ABHD2: variants seen among roughly 807,000 people sequenced by gnomAD.
The protein encoded by ABHD2 is monoacylglycerol lipase ABHD2.
Under a neutral mutation model 48.1 loss-of-function variants are expected in ABHD2, and 20 were observed. That is an observed-to-expected ratio of 0.42 (90% CI 0.29 to 0.60). The LOEUF (loss-of-function observed/expected upper bound fraction) is 0.60. ABHD2 is among the 20% of genes least tolerant of loss of function. The probability of loss-of-function intolerance (pLI) is 0.24; values close to 1 mark genes in which losing one functional copy is unlikely to be tolerated. For missense variants in ABHD2, 405 were observed against 550.9 expected (o/e 0.74, Z 2.65); for synonymous variants, 209 against 214.2 (o/e 0.98, Z 0.21).
At chr15:89,071,586 C>G in the ABHD2 span, among the ~76,000 whole-genome samples, 1 of 152,146 alleles carries the variant, frequency 6.6e-6, no homozygotes, top group Non-Finnish European at 1.5e-5. Flanking sequence ...ACCTGGTAAC[C>G]TGCATTTAAC....
rs1214047028 is a variant in ABHD2, at chr15:89,104,015, G to A, written c.-106-9710G>A. On this transcript the variant is annotated intron_variant, in intron 1 of 10. Coordinates refer to ENST00000352732, the MANE Select transcript of ABHD2 (RefSeq NM_152924.5). This position sits in a 1 kb window ranked among gnomAD's most constrained non-coding sequence, Gnocchi z 4.4. ...CAGGCCTTCTGCTCTAAACTGGCAG[G>A]AGATCCTGTTTCTACTCACAGCGTC... The A allele has an allele frequency of 6.6e-6, 1 of 152,230 alleles. No individual in the cohort carries two copies. The highest frequency in any genetic ancestry group is 2.4e-5 in the African/African-American group (1 of 41,456). The allele number at this position is 152,230 out of a possible 1,614,324, so 9.4% of individuals were successfully genotyped here. A position where few individuals can be genotyped will look rare whatever the true frequency, so the allele number is the denominator to read the frequency against.
intron 3 of ABHD2, among the ~76,000 whole-genome samples, chr15:89,117,791 A>C (rs887812868): frequency 6.6e-6 from 1 of 152,214 alleles, no homozygotes; most frequent in Non-Finnish European, 1.5e-5. Context: ...ACAAATAGGC[A>C]ATGAACATCT....
At chr15:89,140,664 C>T (rs944161440) in intron 3 of ABHD2, among the ~76,000 whole-genome samples, 1 of 152,166 alleles carries the variant, frequency 6.6e-6, no homozygotes, top group East Asian at 1.9e-4. Context: ...CAAAGGAGCA[C>T]AGGCCCCCCC....
rs1446793052 is a variant in ABHD2 at position 89,114,672 on chromosome 15, A to G, written c.-7+848A>G. The stretch of plus-strand genomic sequence containing the variant: ...AAATTTTTGTATTTTTGGTAGAGAC[A>G]GGATTTCACCATGTTGGCCAGGGCT... On this transcript the variant is annotated intron_variant, in intron 2 of 10. Coordinates refer to ENST00000352732, the MANE Select transcript of ABHD2 (RefSeq NM_152924.5). This position sits in a 1 kb window ranked among gnomAD's most constrained non-coding sequence, Gnocchi z 4.2. Among the ~76,000 whole-genome samples the G allele has an allele frequency of 6.6e-6, 1 of 151,988 alleles. No individual in the cohort carries two copies. Among genetic ancestry groups the G allele is most frequent in the African/African-American group, 2.4e-5 (1 of 41,386 alleles).
chr15:89,194,740 A>G (rs970450261), intron 10 of ABHD2, among the ~76,000 whole-genome samples: 1 of 152,202 alleles, frequency 6.6e-6, no homozygotes, highest in African/African-American at 2.4e-5. Flanking sequence ...GGCTTATTAA[A>G]TCAAAATCCG....
the ABHD2 span, among the ~76,000 whole-genome samples, chr15:89,075,101 T>G: frequency 6.6e-6 from 1 of 152,300 alleles, no homozygotes; most frequent in African/African-American, 2.4e-5. This position sits in a 1 kb window ranked among gnomAD's most constrained non-coding sequence, Gnocchi z 4.1. Flanking sequence ...ACAAGCGTGT[T>G]TTAGTGCCTA....
chr15:89,049,040 T>C, the ABHD2 span, among the ~76,000 whole-genome samples: 4 of 152,272 alleles, frequency 2.6e-5, no homozygotes, highest in East Asian at 7.7e-4. Flanking sequence ...TCTTCGATGA[T>C]GGTGATGTAC....
chr15:89,175,959 G>A lies in ABHD2; in HGVS notation c.686G>A (p.Cys229Tyr). 6.2e-7 allele frequency: 1 copy of A among 1,613,256 alleles called. No homozygotes were observed. The highest frequency in any genetic ancestry group is 8.5e-7 in the Non-Finnish European group (1 of 1,179,480). Residue 229 changes from cysteine to tyrosine, a missense_variant, in exon 6 of 11, where the codon TGC becomes TAC. Transcript: ENST00000352732. This position sits in a 1 kb window ranked among gnomAD's most constrained non-coding sequence, Gnocchi z 5.7. ...ETQANQEKVL[C>Y]CVSVCQGYSA... ...CAGGCAAACCAAGAGAAGGTCCTGT[G>A]CTGCGTCAGCGTGTGCCAGGGGTAC...
At chr15:89,157,437 C>A (rs573572692) in intron 5 of ABHD2, among the ~76,000 whole-genome samples, 3 of 152,132 alleles carry the variant, frequency 2.0e-5, no homozygotes, top group Non-Finnish European at 4.4e-5. Flanking sequence ...TTGTGCCAAG[C>A]AGGGTGTTGG....
intron 1 of ABHD2, among the ~76,000 whole-genome samples, chr15:89,101,622 A>C (rs1419292817): frequency 6.6e-6 from 1 of 152,242 alleles, no homozygotes. Context: ...TTACAAGTAC[A>C]TAGGTCAGAA....
At position 89,200,840 on chromosome 15, in the gene ABHD2, T is replaced by C. The variant is rs1296488952; in HGVS notation, c.*5417T>C. On this transcript the variant is annotated 3_prime_UTR_variant, in exon 11 of 11. Transcript: ENST00000352732. Reference sequence around the variant, plus strand: ...GCTCACTCCTGTAATCCCAGCACTTTGGAGGCCGAGGCGGGTAGATCACCT... The same window carrying C: ...GCTCACTCCTGTAATCCCAGCACTTCGGAGGCCGAGGCGGGTAGATCACCT... 2 of 309,742 alleles carry C rather than the reference T, an allele frequency of 6.5e-6. No individual in the cohort carries two copies. The highest frequency in any genetic ancestry group is 1.2e-5 in the Non-Finnish European group (2 of 163,540). The allele number at this position is 309,742 out of a possible 1,614,324, so 19.2% of individuals were successfully genotyped here.
At chr15:89,084,207 T>C (rs1368929683), upstream of ABHD2, among the ~76,000 whole-genome samples, 2 of 60,712 alleles carry the variant, frequency 3.3e-5, no homozygotes, top group African/African-American at 8.9e-5. This position sits in a 1 kb window ranked among gnomAD's most constrained non-coding sequence, Gnocchi z 4.4. Context: ...ATTTTGCTAG[T>C]GTAAAAAAAA....
Position 89,151,855 on chromosome 15 carries a change from G to A in ABHD2, c.370+3G>A. On this transcript the variant is annotated splice_donor_region_variant and intron_variant, in intron 4 of 10. Coordinates refer to ENST00000352732, the MANE Select transcript of ABHD2 (RefSeq NM_152924.5). This position sits in a 1 kb window ranked among gnomAD's most constrained non-coding sequence, Gnocchi z 4.7. ...CTTGGCTGAGCACTGTGTTGGAGGT[G>A]AGCTGCTTTAGATTGTGTGATTGAG... The A allele has an allele frequency of 1.2e-6, 2 of 1,613,556 alleles. No homozygotes were observed. Among genetic ancestry groups the A allele is most frequent in the Non-Finnish European group, 1.7e-6 (2 of 1,179,720 alleles).
chr15:89,125,089 C>CAAA (rs71723586), intron 3 of ABHD2, among the ~76,000 whole-genome samples: 2 of 136,246 alleles, frequency 1.5e-5, no homozygotes, highest in African/African-American at 5.2e-5. Flanking sequence ...GACTTTGTCT[C>CAAA]AAAAAAAAAA....
At chr15:89,172,825 A>G (rs890512731) in intron 5 of ABHD2, among the ~76,000 whole-genome samples, 6 of 152,190 alleles carry the variant, frequency 3.9e-5, no homozygotes, top group African/African-American at 1.2e-4. Flanking sequence ...TTTCCTCACT[A>G]CAAAAATTGT....
Position 89,102,473 on chromosome 15 carries a change from C to T in ABHD2, c.-106-11252C>T, listed in dbSNP as rs909292231. Reference sequence around the variant, plus strand: ...AGGGCGTAGTTTGCAAAACATCCCTCCCAGTGGTACTGATGCCTTTTCGCA... The same window carrying T: ...AGGGCGTAGTTTGCAAAACATCCCTTCCAGTGGTACTGATGCCTTTTCGCA... On this transcript the variant is annotated intron_variant, in intron 1 of 10. Coordinates refer to ENST00000352732, the MANE Select transcript of ABHD2 (RefSeq NM_152924.5). The surrounding 1 kb of genome is among the most constrained non-coding windows in gnomAD (Gnocchi z 4.8). 3.3e-5 allele frequency: 5 copies of T among 152,258 alleles called. No homozygotes were observed. Among genetic ancestry groups the T allele is most frequent in the Admixed American group, 2.0e-4 (3 of 15,282 alleles). 9.4% of individuals were successfully genotyped at this position (152,258 alleles called of 1,614,324 possible).
chr15:89,132,329 G>C (rs1020107075), intron 3 of ABHD2, among the ~76,000 whole-genome samples: 5 of 152,130 alleles, frequency 3.3e-5, no homozygotes, highest in Non-Finnish European at 5.9e-5. Flanking sequence ...GCCCATAGAA[G>C]GGGCTAAATA....
intron 3 of ABHD2, among the ~76,000 whole-genome samples, chr15:89,122,770 C>T (rs2050072061): frequency 6.6e-6 from 1 of 152,216 alleles, no homozygotes; most frequent in Admixed American, 6.5e-5. Context: ...TACATACTGC[C>T]CTGTGGGAAG....
intron 3 of ABHD2, among the ~76,000 whole-genome samples, chr15:89,138,849 C>G (rs887163243): frequency 2.1e-5 from 3 of 142,228 alleles, no homozygotes; most frequent in African/African-American, 7.8e-5. Flanking sequence ...GTCCTCTAAT[C>G]CTAGCTTTTT....
Sources: allele counts gnomAD v4.1 joint callset (sites outside exome capture counted in the v4.1 genomes callset), GRCh38; gene constraint gnomAD v4.1.1; non-coding constraint Gnocchi (gnomAD v3.1); transcripts MANE v1.5; gene names NCBI Gene and HGNC (gene_info 2026-07-23, HGNC 2026-07-21).